Variants in FIGNL1 observed in about 807,000 individuals in gnomAD.
FIGNL1 encodes fidgetin-like protein 1.
In FIGNL1, 11 loss-of-function variants were observed where a neutral mutation model predicts 28.9. The observed-to-expected ratio is 0.38, with a 90% CI of 0.24 to 0.63. The LOEUF (loss-of-function observed/expected upper bound fraction) is 0.63, where lower values mean the gene tolerates loss of function less well. Ranked by LOEUF, FIGNL1 falls within the 20% of genes least tolerant of loss-of-function variation. The probability of loss-of-function intolerance (pLI) is 0.57; values close to 1 mark genes in which losing one functional copy is unlikely to be tolerated. For synonymous variants in FIGNL1, 295 were observed against 276.5 expected (o/e 1.07, Z -0.66); for missense variants, 789 against 810.4 (o/e 0.97, Z 0.32).
In FIGNL1 at chr7:50,446,284, C is replaced by A. The variant is rs771236637; in HGVS notation, c.1004G>T (p.Gly335Val). Residue 335 changes from glycine (G) to valine (V), a missense_variant, in exon 4 of 4, where the codon GGG (glycine) becomes GTG (valine). Transcript: ENST00000433017. ...AGGAGGAACAAACTTTCCAAGTATC[C>A]CTCGGGATCTACTAGCTCCTAGAGA... ...KKSLGASRSRGILGKFVPPIP... is the reference protein window; with the variant it reads ...KKSLGASRSRVILGKFVPPIP... The A allele has an allele frequency of 1.2e-6, 2 of 1,614,132 alleles. No homozygotes were observed. Among genetic ancestry groups the A allele is most frequent in the South Asian group, 2.2e-5 (2 of 91,078 alleles).
Position 50,445,640 on chromosome 7 carries a change from C to T in FIGNL1, c.1648G>A (p.Glu550Lys). ...LVVGATNRPQ[E>K]IDEAARRRLV... is the part of the protein sequence containing the mutation. ...CTTCTCCGGGCAGCCTCATCAATTT[C>T]TTGTGGCCGATTTGTTGCTCCCACC... Residue 550 changes from glutamate to lysine, a missense_variant, in exon 4 of 4, where the codon GAA (glutamate) becomes AAA (lysine). Transcript: ENST00000433017. The T allele has an allele frequency of 6.2e-7, 1 of 1,614,098 alleles. No individual in the cohort carries two copies. The highest frequency in any genetic ancestry group is 8.5e-7 in the Non-Finnish European group (1 of 1,180,006).
In FIGNL1 at chr7:50,445,527, G is replaced by C. The variant is rs140862457; in HGVS notation, c.1761C>G (p.Cys587Trp). 301 of 1,614,170 alleles carry C rather than the reference G, an allele frequency of 1.9e-4. 2 individuals are homozygous for C. The highest frequency in any genetic ancestry group is 1.6e-3 in the Admixed American group (94 of 60,026). The stretch of plus-strand genomic sequence containing the variant: ...TCTGTTCAATTTCTTCTTCACTGAG[G>C]CAACACTGCTCTTTGGACATTAGAT... ...VINLMSKEQC[C>W]LSEEEIEQIV... The change falls in exon 4 of 4, where the codon TGC becomes TGG. Residue 587 changes from cysteine (C) to tryptophan (W), a missense_variant. Transcript: ENST00000433017.
Position 50,446,475 on chromosome 7 carries a change from A to T in FIGNL1, c.813T>A (p.Asn271Lys). 6.2e-7 allele frequency: 1 copy of T among 1,614,178 alleles called. No individual in the cohort carries two copies. The highest frequency in any genetic ancestry group is 1.1e-5 in the South Asian group (1 of 91,084). The change falls in exon 4 of 4, where the codon AAT becomes AAA. Residue 271 changes from asparagine to lysine, a missense_variant. Coordinates refer to ENST00000433017, the MANE Select transcript of FIGNL1 (RefSeq NM_001287492.4). The part of the protein sequence containing the change: ...YGSGTIDALS[N>K]PILNKACSKT... ...TACTACAAGCCTTATTCAGTATTGG[A>T]TTGGAAAGTGCATCAATGGTGCCAG...
Position 50,446,689 on chromosome 7 carries a change from C to T in FIGNL1, c.599G>A (p.Cys200Tyr), listed in dbSNP as rs1011578014. ...ACCTACAGGTGCTGAGAATGTAGGACAAGTCCTAGCAGTGTTAGTCACCAT... is the reference window on the plus strand; with the variant it reads ...ACCTACAGGTGCTGAGAATGTAGGATAAGTCCTAGCAGTGTTAGTCACCAT... Reference protein sequence around the residue: ...PPMVTNTARTCPTFSAPVGES... With the variant: ...PPMVTNTARTYPTFSAPVGES... Residue 200 changes from cysteine to tyrosine, a missense_variant, in exon 4 of 4, where the codon TGT becomes TAT. Transcript: ENST00000433017. 1 of 1,614,082 alleles carries T rather than the reference C, an allele frequency of 6.2e-7. No individual in the cohort carries two copies. Among genetic ancestry groups the T allele is most frequent in the African/African-American group, 1.3e-5 (1 of 74,928 alleles).
chr7:50,444,388 G>A lies in FIGNL1; in HGVS notation c.*875C>T, dbSNP rs377524668. On this transcript the variant is annotated 3_prime_UTR_variant, in exon 4 of 4. Coordinates refer to ENST00000433017, the MANE Select transcript of FIGNL1 (RefSeq NM_001287492.4). ...GCTTTGAAGAATAGGCTACAAGAGAGAATACATTACACAATCCTACTGCTG... is the reference window on the plus strand; with the variant it reads ...GCTTTGAAGAATAGGCTACAAGAGAAAATACATTACACAATCCTACTGCTG... 2.2e-4 allele frequency: 33 copies of A among 152,296 alleles called. No homozygotes were observed. Among genetic ancestry groups the A allele is most frequent in the African/African-American group, 7.5e-4 (31 of 41,566 alleles). 9.4% of individuals were successfully genotyped at this position (152,296 alleles called of 1,614,324 possible).
In FIGNL1 at chr7:50,446,342, C is replaced by T. The variant is rs546012786; in HGVS notation, c.946G>A (p.Ala316Thr). ...ACACCACCATATGAAGACCCTGATG[C>T]ACGCTGAGGTTGGTGGTACTTTTTT... The part of the protein sequence containing the change: ...QQKKYHQPQR[A>T]SGSSYGGVKK... Residue 316 changes from alanine (A) to threonine (T), a missense_variant, in exon 4 of 4, where the codon GCA becomes ACA. Ala to Thr is a moderately conservative substitution (Grantham distance 58). Coordinates refer to ENST00000433017, the MANE Select transcript of FIGNL1 (RefSeq NM_001287492.4). 6.8e-6 allele frequency: 11 copies of T among 1,614,154 alleles called. No individual in the cohort carries two copies. In the East Asian group the frequency reaches 1.1e-4, roughly 16 times the overall value.
At chr7:50,447,418 A>T in intron 3 of FIGNL1, 121 bp from the exon 4 acceptor site, 1 of 660,332 alleles carries the variant, frequency 1.5e-6, no homozygotes, top group Non-Finnish European at 2.5e-6. Flanking sequence ...TTTATAATGT[A>T]GATTTATAAG....
intron 3 of FIGNL1, 23 bp downstream of exon 3, chr7:50,448,158 G>C (rs1268398621): frequency 6.6e-6 from 1 of 152,164 alleles, no homozygotes; most frequent in Non-Finnish European, 1.5e-5. Flanking sequence ...ACAAACCGAG[G>C]CTGAGAGACT....
Position 50,446,731 on chromosome 7 carries a change from T to C in FIGNL1, c.557A>G (p.Gln186Arg), listed in dbSNP as rs2153528788. 6.2e-7 allele frequency: 1 copy of C among 1,614,220 alleles called. No homozygotes were observed. The highest frequency in any genetic ancestry group is 1.1e-5 in the South Asian group (1 of 91,086). Reference sequence around the variant, plus strand: ...AGTCACCATAGGTGGCTGGGCATTCTGAAGGAGTTTCAAACGATTGCTCTC... The same window carrying C: ...AGTCACCATAGGTGGCTGGGCATTCCGAAGGAGTTTCAAACGATTGCTCTC... ...FPESNRLKLL[Q>R]NAQPPMVTNT... Residue 186 changes from glutamine (Q) to arginine (R), a missense_variant, in exon 4 of 4, where the codon CAG (glutamine) becomes CGG (arginine). Physicochemically the swap from Gln to Arg is conservative, Grantham distance 43 (BLOSUM62 1). Transcript: ENST00000433017.
In FIGNL1 at chr7:50,445,226, CTG is replaced by C. The variant is rs1420541021; in HGVS notation, c.*35_*36del. 7.7e-7 allele frequency: 1 copy of C among 1,293,064 alleles called. No homozygotes were observed. Among genetic ancestry groups the C allele is most frequent in the Non-Finnish European group, 1.1e-6 (1 of 947,468 alleles). 80.1% of individuals were successfully genotyped at this position (1,293,064 alleles called of 1,614,324 possible). ...TTTCTATGCTAAAAAATAAAGAAGA[CTG>C]TACTACAGAGATGCCTTGATTCCAA... On this transcript the variant is annotated 3_prime_UTR_variant, in exon 4 of 4. Transcript: ENST00000433017.
At position 50,444,497 on chromosome 7, in the gene FIGNL1, T is replaced by G. The variant is rs1032420763; in HGVS notation, c.*766A>C. On this transcript the variant is annotated 3_prime_UTR_variant, in exon 4 of 4. Transcript: ENST00000433017. The stretch of plus-strand genomic sequence containing the variant: ...GTGGTAGGATAATAGTGACTTTTAT[T>G]CTTTTTACTTATCTCTATTTTCTCA... 2.0e-5 allele frequency: 3 copies of G among 152,250 alleles called. No individual in the cohort carries two copies. The highest frequency in any genetic ancestry group is 1.3e-4 in the Admixed American group (2 of 15,288). The allele number at this position is 152,250 out of a possible 1,614,324, so 9.4% of individuals were successfully genotyped here. A position where few individuals can be genotyped will look rare whatever the true frequency, so the allele number is the denominator to read the frequency against.
chr7:50,445,808 G>A lies in FIGNL1; in HGVS notation c.1480C>T (p.Pro494Ser), dbSNP rs1198104765. The A allele has an allele frequency of 6.2e-7, 1 of 1,614,176 alleles. No individual in the cohort carries two copies. The change falls in exon 4 of 4, where the codon CCA (proline) becomes TCA (serine). Residue 494 changes from proline to serine, a missense_variant. By Grantham distance (74) the Pro-to-Ser change is moderately conservative. Coordinates refer to ENST00000433017, the MANE Select transcript of FIGNL1 (RefSeq NM_001287492.4). ...ATTTCGTCAATAAATATCACAGCTG[G>A]TTGCTGACACCTTGCAACAGCAAAC... is the stretch of plus-strand genomic sequence containing the variant. ...ALFAVARCQQ[P>S]AVIFIDEIDS...
At position 50,447,091 on chromosome 7, in the gene FIGNL1, T is replaced by A; in HGVS notation, c.197A>T (p.Tyr66Phe). 6.2e-7 allele frequency: 1 copy of A among 1,614,234 alleles called. No individual in the cohort carries two copies. The highest frequency in any genetic ancestry group is 8.5e-7 in the Non-Finnish European group (1 of 1,180,030). The stretch of plus-strand genomic sequence containing the variant: ...ATTGTCAGAATCAATAATTGCAGAA[T>A]ATTTCTCTGCATATTTTTTGAACAG... ...TKLFKKYAEK[Y>F]SAIIDSDNVE... The change falls in exon 4 of 4, where the codon TAT becomes TTT. Residue 66 changes from tyrosine to phenylalanine, a missense_variant. Transcript: ENST00000433017.
At position 50,446,541 on chromosome 7, in the gene FIGNL1, A is replaced by T; in HGVS notation, c.747T>A (p.Pro249=). ...NVFLSNQSCF[P]AACENPQRKS... ...TCCTCTGTGGATTTTCACAGGCAGC[A>T]GGAAAACAAGACTGGTTAGATAAGA... is the stretch of plus-strand genomic sequence containing the variant. Residue 249 remains proline, a synonymous_variant, in exon 4 of 4, where the codon CCT becomes CCA. Transcript: ENST00000433017. 1 of 1,614,196 alleles carries T rather than the reference A, an allele frequency of 6.2e-7. No homozygotes were observed. Among genetic ancestry groups the T allele is most frequent in the Admixed American group, 1.7e-5 (1 of 60,030 alleles).
In FIGNL1 at chr7:50,449,736, C is replaced by A. The variant is rs918385163; in HGVS notation, c.-725-13G>T. On this transcript the variant is annotated splice_polypyrimidine_tract_variant and intron_variant, in intron 1 of 3. Transcript: ENST00000433017. ...TGCCGGTTTTCACCTATAAAAGAAG[C>A]GCAGCAACATCACTGAGCTGACAAG... 1 of 152,220 alleles carries A rather than the reference C, an allele frequency of 6.6e-6. No homozygotes were observed. The highest frequency in any genetic ancestry group is 1.5e-5 in the Non-Finnish European group (1 of 68,032). 9.4% of individuals were successfully genotyped at this position (152,220 alleles called of 1,614,324 possible). A position where few individuals can be genotyped will look rare whatever the true frequency, so the allele number is the denominator to read the frequency against.
rs147319553 is a variant in FIGNL1, at chr7:50,445,458, C to G, written c.1830G>C (p.Gln610His). ...SDAFSGADMTQLCREASLGPI... is the reference protein window; with the variant it reads ...SDAFSGADMTHLCREASLGPI... ...GACCAAGAGAAGCCTCCCTGCAAAG[C>G]TGTGTCATGTCTGCTCCTGAAAACG... The change falls in exon 4 of 4, where the codon CAG becomes CAC. Residue 610 changes from glutamine (Q) to histidine (H), a missense_variant. Gln to His is a conservative substitution (Grantham distance 24). Coordinates refer to ENST00000433017, the MANE Select transcript of FIGNL1 (RefSeq NM_001287492.4). The G allele has an allele frequency of 1.2e-6, 2 of 1,614,074 alleles. No individual in the cohort carries two copies. The highest frequency in any genetic ancestry group is 3.3e-5 in the Admixed American group (2 of 60,006).
chr7:50,445,706 A>G lies in FIGNL1; in HGVS notation c.1582T>C (p.Leu528=). Residue 528 remains leucine (L), a synonymous_variant, in exon 4 of 4, where the codon TTA becomes CTA. Transcript: ENST00000433017. Reference sequence around the variant, plus strand: ...TCAGAAGATGTTGTTGCTCCATCTAATTGAACTAAAAATTCTGTTTTTATC... The same window carrying G: ...TCAGAAGATGTTGTTGCTCCATCTAGTTGAACTAAAAATTCTGTTTTTATC... ...RRIKTEFLVQ[L]DGATTSSEDR... 1.9e-6 allele frequency: 3 copies of G among 1,614,166 alleles called. No individual in the cohort carries two copies. The highest frequency in any genetic ancestry group is 2.5e-6 in the Non-Finnish European group (3 of 1,180,034).
rs1820252989 is a variant in FIGNL1 at position 50,444,367 on chromosome 7, TGAA to T, written c.*893_*895del. ...TAACATGGAAAGTGAAGATACGCTT[TGAA>T]GAATAGGCTACAAGAGAGAATACAT... On this transcript the variant is annotated 3_prime_UTR_variant, in exon 4 of 4. Coordinates refer to ENST00000433017, the MANE Select transcript of FIGNL1 (RefSeq NM_001287492.4). The T allele has an allele frequency of 1.3e-5, 2 of 152,352 alleles. No homozygotes were observed. The highest frequency in any genetic ancestry group is 2.4e-5 in the African/African-American group (1 of 41,582). The allele number at this position is 152,352 out of a possible 1,614,324, so 9.4% of individuals were successfully genotyped here.
In FIGNL1 at chr7:50,445,313, C is replaced by A; in HGVS notation, c.1975G>T (p.Asp659Tyr). The change falls in exon 4 of 4, where the codon GAT (aspartate) becomes TAT (tyrosine). Residue 659 changes from aspartate (D) to tyrosine (Y), a missense_variant. By Grantham distance (160) the Asp-to-Tyr change is radical (BLOSUM62 -3). Transcript: ENST00000433017. ...TTCCAGTTTTCATAAAGCTCTAAAT[C>A]TTTTGGAGAAACACTAGGTCGCACA... ...RTVRPSVSPK[D>Y]LELYENWNKT... 2.5e-6 allele frequency: 4 copies of A among 1,594,166 alleles called. No individual in the cohort carries two copies. The highest frequency in any genetic ancestry group is 2.6e-6 in the Non-Finnish European group (3 of 1,173,384).
Sources: allele counts gnomAD v4.1 joint callset, GRCh38; gene constraint gnomAD v4.1.1; transcripts MANE v1.5; gene names NCBI Gene and HGNC (gene_info 2026-07-23, HGNC 2026-07-21).